The following XKR6 variants were observed in gnomAD, a reference collection of about 807,000 sequenced individuals.
The protein encoded by XKR6 is XK-related protein 6.
XKR6 carries 22 observed loss-of-function variants against 56.7 expected under a neutral mutation model. The observed-to-expected ratio is 0.39, with a 90% CI of 0.28 to 0.55. XKR6 has a LOEUF of 0.55. Among genes scored for constraint, XKR6 ranks in the 20% least tolerant of loss-of-function variants. The pLI is 0.66. For synonymous variants in XKR6, 524 were observed against 387.8 expected, an observed-to-expected ratio of 1.35 and a Z score of -4.13; for missense variants, 852 against 889.0, an observed-to-expected ratio of 0.96 and a Z score of 0.53.
intron 1 of XKR6, among the ~76,000 whole-genome samples, chr8:11,080,749 A>G (rs1797688685): frequency 6.6e-6 from 1 of 152,248 alleles, no homozygotes; most frequent in African/African-American, 2.4e-5. Context: ...ACCTAGTCAG[A>G]GGGACACTAC....
chr8:10,951,495 C>T (rs1801723424), intron 1 of XKR6, among the ~76,000 whole-genome samples: 1 of 152,188 alleles, frequency 6.6e-6, no homozygotes, highest in Non-Finnish European at 1.5e-5. Flanking sequence ...TGGTTTTAGT[C>T]CCAAACAGCA....
intron 1 of XKR6, among the ~76,000 whole-genome samples, chr8:10,947,413 A>T (rs545035665): frequency 6.6e-6 from 1 of 152,268 alleles, no homozygotes; most frequent in African/African-American, 2.4e-5. Context: ...AGTGGAGTTG[A>T]GGAAGCACAG....
At position 10,991,360 on chromosome 8, in the gene XKR6, G is replaced by C. The variant is rs7008946; in HGVS notation, c.765-66530C>G. Among the ~76,000 whole-genome samples, 704 of 152,292 alleles carry C rather than the reference G, an allele frequency of 4.6e-3. 8 individuals are homozygous for C. Among genetic ancestry groups the C allele is most frequent in the African/African-American group, 0.016 (678 of 41,552 alleles). ...TCTCAGCGTTCAAAGCTTTCCTGTA[G>C]TTGCAACTGCCTCTTTCACTTTGGA... On this transcript the variant is annotated intron_variant, in intron 1 of 2. Transcript: ENST00000416569.
At chr8:11,159,717 A>C (rs1385782687) in intron 1 of XKR6, among the ~76,000 whole-genome samples, 2 of 152,236 alleles carry the variant, frequency 1.3e-5, no homozygotes, top group African/African-American at 4.8e-5. Context: ...ACCAAGAACC[A>C]CTGAACTAAT....
intron 2 of XKR6, among the ~76,000 whole-genome samples, chr8:10,921,445 A>G (rs185429978): frequency 1.3e-5 from 2 of 152,316 alleles, no homozygotes; most frequent in African/African-American, 4.8e-5. Flanking sequence ...CTATAAAAGG[A>G]TGACTCCACC....
intron 1 of XKR6, chr8:11,137,753 C>A: frequency 2.2e-6 from 1 of 454,678 alleles, no homozygotes; most frequent in Non-Finnish European, 4.4e-6. Context: ...TGAATCGAAT[C>A]CTGCTCCGGT....
chr8:11,052,016 C>G (rs1310722057), intron 1 of XKR6, among the ~76,000 whole-genome samples: 2 of 152,104 alleles, frequency 1.3e-5, no homozygotes, highest in Non-Finnish European at 2.9e-5. Flanking sequence ...TCTAAGTTCC[C>G]TCCCCTCAAC....
At chr8:11,160,784 T>C (rs1801761451) in intron 1 of XKR6, among the ~76,000 whole-genome samples, 1 of 151,840 alleles carries the variant, frequency 6.6e-6, no homozygotes, top group South Asian at 2.1e-4. Flanking sequence ...GGCACTTGCC[T>C]GTATGTAGTC....
chr8:11,085,463 T>C lies in XKR6; in HGVS notation c.764+115113A>G, dbSNP rs532995888. On this transcript the variant is annotated intron_variant, in intron 1 of 2. Coordinates refer to ENST00000416569, the MANE Select transcript of XKR6 (RefSeq NM_173683.4). The stretch of plus-strand genomic sequence containing the variant: ...AGGTGTGTGTGTGTGTGTGTATGTA[T>C]GTGCATGTGTGTGTGTGTGCATGTC... Among the ~76,000 whole-genome samples, 124 of 152,222 alleles carry C rather than the reference T, an allele frequency of 8.1e-4. 3 individuals carry two copies. The South Asian group carries it at 0.022, about 27-fold the overall frequency.
At chr8:10,975,890 G>C (rs1156695558) in intron 1 of XKR6, among the ~76,000 whole-genome samples, 3 of 152,086 alleles carry the variant, frequency 2.0e-5, no homozygotes, top group Non-Finnish European at 4.4e-5. Context: ...GGTATCAAAA[G>C]CGCCCACCAC....
intron 1 of XKR6, chr8:11,035,358 A>G (rs1299517669): frequency 3.7e-6 from 2 of 533,698 alleles, no homozygotes; most frequent in Non-Finnish European, 7.7e-6. Context: ...GAGCCAGGAG[A>G]TCAAATCATG....
chr8:11,014,241 T>C (rs578155009), intron 1 of XKR6, among the ~76,000 whole-genome samples: 37 of 152,308 alleles, frequency 2.4e-4, no homozygotes, highest in Non-Finnish European at 4.7e-4. Flanking sequence ...TCAATCTTTA[T>C]TAAGTGTGAG....
At chr8:11,199,695 A>G (rs1485702412) in intron 1 of XKR6, among the ~76,000 whole-genome samples, 1 of 152,228 alleles carries the variant, frequency 6.6e-6, no homozygotes, top group Non-Finnish European at 1.5e-5. Context: ...AGGCCACGGC[A>G]GAAAGAACAC....
chr8:10,979,439 G>T (rs1797676822), intron 1 of XKR6, among the ~76,000 whole-genome samples: 1 of 152,016 alleles, frequency 6.6e-6, no homozygotes, highest in African/African-American at 2.4e-5. Context: ...GAGAACCCAG[G>T]CCACCTTCCA....
chr8:10,967,939 G>C (rs536927753), intron 1 of XKR6, among the ~76,000 whole-genome samples: 1 of 152,274 alleles, frequency 6.6e-6, no homozygotes, highest in South Asian at 2.1e-4. Context: ...CAGAACCCCA[G>C]AGCCCTAGGA....
intron 1 of XKR6, among the ~76,000 whole-genome samples, chr8:11,046,441 G>C (rs1379589731): frequency 6.6e-6 from 1 of 151,978 alleles, no homozygotes; most frequent in African/African-American, 2.4e-5. Context: ...AAGAAAAGAA[G>C]AAAGCAGGGA....
At chr8:11,040,359 TAAA>T (rs143219123) in intron 1 of XKR6, among the ~76,000 whole-genome samples, 33,962 of 106,894 alleles carry the variant, frequency 0.32, 4,378 homozygotes, top group African/African-American at 0.34. Flanking sequence ...TCATGTCTGC[TAAA>T]AAAAAAAAAA....
chr8:11,035,939 C>CTTTTTT (rs58989028), intron 1 of XKR6, among the ~76,000 whole-genome samples: 1 of 101,608 alleles, frequency 9.8e-6, no homozygotes, highest in African/African-American at 4.3e-5. Flanking sequence ...CTGTGAAAGT[C>CTTTTTT]TTTTTTTTTT....
chr8:10,957,017 C>A (rs1295170667), intron 1 of XKR6, among the ~76,000 whole-genome samples: 1 of 152,110 alleles, frequency 6.6e-6, no homozygotes, highest in African/African-American at 2.4e-5. Flanking sequence ...GTGGTGTGAT[C>A]TTGGATTGCT....
Sources: allele counts gnomAD v4.1 joint callset (sites outside exome capture counted in the v4.1 genomes callset), GRCh38; gene constraint gnomAD v4.1.1; transcripts MANE v1.5; gene names NCBI Gene and HGNC (gene_info 2026-07-23, HGNC 2026-07-21).